Variants in ARHGEF7 observed in about 807,000 individuals in gnomAD.
The protein encoded by ARHGEF7 is PAK-interacting exchange factor beta.
ARHGEF7 carries 33 observed loss-of-function variants against 109.8 expected under a neutral mutation model. The ratio of observed to expected loss-of-function variants is 0.30; its 90% CI spans 0.23 to 0.40. The LOEUF (loss-of-function observed/expected upper bound fraction) is 0.40, where lower values mean the gene tolerates loss of function less well. ARHGEF7 is among the 10% of genes least tolerant of loss of function. The probability of loss-of-function intolerance (pLI) is 1.00; values close to 1 mark genes in which losing one functional copy is unlikely to be tolerated. For missense variants in ARHGEF7, 938 were observed against 1,098.5 expected (o/e 0.85, Z 2.07); for synonymous variants, 458 against 424.6 (o/e 1.08, Z -0.97).
chr13:111,273,624 C>G lies in ARHGEF7; in HGVS notation c.1074-190C>G, dbSNP rs1302649840. Among the ~76,000 whole-genome samples, 1 of 152,222 alleles carries G rather than the reference C, an allele frequency of 6.6e-6. No homozygotes were observed. Among genetic ancestry groups the G allele is most frequent in the African/African-American group, 2.4e-5 (1 of 41,460 alleles). ...TCATATGAGAGCAGGAACGGGACCC[C>G]TTAGGGATGGGAGTCCCCTTTGGCA... On this transcript the variant is annotated intron_variant, in intron 9 of 21. Coordinates refer to ENST00000646102, the MANE Select transcript of ARHGEF7 (RefSeq NM_001354046.2). This position sits in a 1 kb window ranked among gnomAD's most constrained non-coding sequence, Gnocchi z 4.5.
chr13:111,265,664 A>G (rs1213968392), intron 8 of ARHGEF7: 1 of 456,614 alleles, frequency 2.2e-6, no homozygotes, highest in Non-Finnish European at 4.4e-6. Flanking sequence ...GTGTTTCCCC[A>G]GATCATCTGT....
At chr13:111,229,836 C>T (rs370257270) in intron 5 of ARHGEF7, among the ~76,000 whole-genome samples, 5 of 152,276 alleles carry the variant, frequency 3.3e-5, no homozygotes, top group African/African-American at 9.6e-5. Flanking sequence ...TAAGCAGGTG[C>T]GGGCTCTGGG....
At chr13:111,123,028 A>C (rs1265495960) in intron 1 of ARHGEF7, among the ~76,000 whole-genome samples, 2 of 152,214 alleles carry the variant, frequency 1.3e-5, no homozygotes, top group Non-Finnish European at 1.5e-5. Context: ...AGACGATAGA[A>C]GTGGCCCCAA....
intron 17 of ARHGEF7, among the ~76,000 whole-genome samples, chr13:111,286,652 G>A (rs1242201633): frequency 6.6e-6 from 1 of 152,142 alleles, no homozygotes; most frequent in East Asian, 1.9e-4. Flanking sequence ...GCACCCACCC[G>A]TGCTGTTCTC....
At chr13:111,143,114 C>T (rs1298097408) in intron 1 of ARHGEF7, among the ~76,000 whole-genome samples, 1 of 152,192 alleles carries the variant, frequency 6.6e-6, no homozygotes, top group Non-Finnish European at 1.5e-5. Context: ...TCTGAGAACA[C>T]AAGTATGAAC....
chr13:111,180,410 C>G (rs142366461), intron 2 of ARHGEF7, among the ~76,000 whole-genome samples: 154 of 152,244 alleles, frequency 1.0e-3, no homozygotes, highest in African/African-American at 3.3e-3. Context: ...GGAACACATA[C>G]AGATAGGATA....
chr13:111,183,355 T>A (rs2078949463), intron 2 of ARHGEF7, among the ~76,000 whole-genome samples: 1 of 151,854 alleles, frequency 6.6e-6, no homozygotes, highest in Non-Finnish European at 1.5e-5. Context: ...TTTTTTTTTT[T>A]AAACAAAAAT....
At chr13:111,134,066 G>A (rs1435067298) in intron 1 of ARHGEF7, among the ~76,000 whole-genome samples, 1 of 151,450 alleles carries the variant, frequency 6.6e-6, no homozygotes, top group African/African-American at 2.4e-5. Flanking sequence ...CCTTGCGATA[G>A]TTTGCTGAGA....
intron 2 of ARHGEF7, among the ~76,000 whole-genome samples, chr13:111,156,224 C>T (rs2076319450): frequency 6.6e-6 from 1 of 151,756 alleles, no homozygotes; most frequent in Admixed American, 6.6e-5. Flanking sequence ...AGAGTTTTCA[C>T]TAACATATTC....
rs1405930397 is a variant in ARHGEF7 at position 111,186,969 on chromosome 13, G to C, written c.253-18320G>C. 8 of 985,588 alleles carry C rather than the reference G, an allele frequency of 8.1e-6. No individual in the cohort carries two copies. In the African/African-American group the frequency reaches 1.4e-4, roughly 17 times the overall value. The allele number at this position is 985,588 out of a possible 1,614,324, so 61.1% of individuals were successfully genotyped here. A position where few individuals can be genotyped will look rare whatever the true frequency, so the allele number is the denominator to read the frequency against. ...ATCAGCCAGCGCTACCATGGAGGCAGGAGGCATTCTTTTGCTCTCGTGTCA... is the reference window on the plus strand; with the variant it reads ...ATCAGCCAGCGCTACCATGGAGGCACGAGGCATTCTTTTGCTCTCGTGTCA... On this transcript the variant is annotated intron_variant, in intron 2 of 21. Coordinates refer to ENST00000646102, the MANE Select transcript of ARHGEF7 (RefSeq NM_001354046.2).
At chr13:111,149,711 T>C (rs181532559) in intron 1 of ARHGEF7, among the ~76,000 whole-genome samples, 2 of 152,254 alleles carry the variant, frequency 1.3e-5, no homozygotes, top group East Asian at 1.9e-4. Context: ...TGTACTCCTA[T>C]GACTGTACTA....
chr13:111,128,685 CAAAAG>C (rs2067743226), intron 1 of ARHGEF7, among the ~76,000 whole-genome samples: 1 of 152,072 alleles, frequency 6.6e-6, no homozygotes, highest in African/African-American at 2.4e-5. Context: ...ATAAATCTGA[CAAAAG>C]ATAAGAAAAA....
intron 8 of ARHGEF7, among the ~76,000 whole-genome samples, chr13:111,246,071 A>G (rs948125118): frequency 5.3e-5 from 8 of 152,182 alleles, no homozygotes; most frequent in Non-Finnish European, 1.2e-4. Flanking sequence ...ATAATCAGCC[A>G]TCAGTTTTTT....
At chr13:111,129,488 A>G (rs2074625660) in intron 1 of ARHGEF7, among the ~76,000 whole-genome samples, 1 of 152,256 alleles carries the variant, frequency 6.6e-6, no homozygotes, top group South Asian at 2.1e-4. Flanking sequence ...TGTCTGTTTA[A>G]GGATTTGTGG....
At chr13:111,280,403 G>A in intron 14 of ARHGEF7, 53 bp downstream of exon 14, 2 of 1,585,294 alleles carry the variant, frequency 1.3e-6, no homozygotes, top group Non-Finnish European at 1.7e-6. Context: ...GAGGCAGCTT[G>A]TCCCCGCGTG....
intron 1 of ARHGEF7, among the ~76,000 whole-genome samples, chr13:111,122,950 G>A (rs1410265186): frequency 1.3e-5 from 2 of 152,130 alleles, no homozygotes; most frequent in Non-Finnish European, 2.9e-5. Flanking sequence ...GCTGGGAGGC[G>A]GCCCTGGGAT....
chr13:111,278,674 A>G (rs1194331684), intron 13 of ARHGEF7, among the ~76,000 whole-genome samples: 1 of 152,232 alleles, frequency 6.6e-6, no homozygotes, highest in Non-Finnish European at 1.5e-5. Flanking sequence ...GATAGTGCCC[A>G]CTACAGTTTC....
At chr13:111,241,019 C>G in intron 6 of ARHGEF7, 2 of 854,936 alleles carry the variant, frequency 2.3e-6, no homozygotes, top group Non-Finnish European at 3.4e-6. Context: ...GTGTCTGTGT[C>G]TGCGAGGCAC....
intron 2 of ARHGEF7, among the ~76,000 whole-genome samples, chr13:111,195,985 G>T (rs1010532066): frequency 3.9e-5 from 6 of 152,164 alleles, no homozygotes; most frequent in African/African-American, 1.2e-4. Flanking sequence ...TCAGGGCCCA[G>T]GGCTTGCTTT....
Sources: gnomAD v4.1 joint callset for allele counts (sites outside exome capture counted in the v4.1 genomes callset) on GRCh38, gnomAD v4.1.1 for gene constraint, Gnocchi (gnomAD v3.1) non-coding constraint, MANE v1.5 for transcripts, NCBI Gene and HGNC (gene_info 2026-07-23, HGNC 2026-07-21) for gene names.